NPAS3: variants seen among roughly 807,000 people sequenced by gnomAD.
NPAS3 encodes the protein neuronal PAS domain protein 3.
A neutral mutation model predicts 73.1 loss-of-function variants in NPAS3; 14 were observed. The observed-to-expected ratio is 0.19, with a 90% CI of 0.13 to 0.30. The LOEUF (loss-of-function observed/expected upper bound fraction) is 0.30. Ranked by LOEUF, NPAS3 falls within the 10% of genes least tolerant of loss-of-function variation. The pLI is 1.00. For missense variants in NPAS3, 1,096 were observed against 1,250.0 expected (o/e 0.88, Z 1.86); for synonymous variants, 620 against 541.5 (o/e 1.14, Z -2.01).
At chr14:33,706,017 T>C (rs746742083) in intron 6 of NPAS3, among the ~76,000 whole-genome samples, 1 of 152,230 alleles carries the variant, frequency 6.6e-6, no homozygotes, top group Non-Finnish European at 1.5e-5. Context: ...CCTCCACCCC[T>C]GTACACATGT....
At chr14:33,209,603 G>T (rs2046956536) in intron 2 of NPAS3, among the ~76,000 whole-genome samples, 1 of 152,134 alleles carries the variant, frequency 6.6e-6, no homozygotes, top group African/African-American at 2.4e-5. Context: ...TTTTAATACA[G>T]GTCGACCTTC....
chr14:33,634,414 A>G (rs1346291748), intron 5 of NPAS3, among the ~76,000 whole-genome samples: 2 of 152,212 alleles, frequency 1.3e-5, no homozygotes, highest in Admixed American at 1.3e-4. Flanking sequence ...TCCAAGTGAC[A>G]TTTAAGGAAG....
rs1226436347 is a variant in NPAS3 at position 33,800,749 on chromosome 14, C to T, written c.2442C>T (p.Ala814=). The T allele has an allele frequency of 4.5e-6, 7 of 1,562,760 alleles. No individual in the cohort carries two copies. Among genetic ancestry groups the T allele is most frequent in the Non-Finnish European group, 6.1e-6 (7 of 1,155,868 alleles). The stretch of plus-strand genomic sequence containing the variant: ...TGCACAGGGTGACCGGGACCCTGGC[C>T]GCCACCAGCACGGCCGCGCAGAGGG... Residue 814 remains alanine, a synonymous_variant, in exon 12 of 12, where the codon GCC becomes GCT. Transcript: ENST00000356141. This position sits in a 1 kb window ranked among gnomAD's most constrained non-coding sequence, Gnocchi z 6.5.
intron 4 of NPAS3, among the ~76,000 whole-genome samples, chr14:33,455,864 G>A (rs1421551305): frequency 6.6e-6 from 1 of 152,150 alleles, no homozygotes; most frequent in Non-Finnish European, 1.5e-5. Flanking sequence ...AGAAATGGCT[G>A]TTTCCTGCAA....
At chr14:33,380,077 G>A (rs574905622) in intron 4 of NPAS3, among the ~76,000 whole-genome samples, 18 of 150,242 alleles carry the variant, frequency 1.2e-4, no homozygotes, top group African/African-American at 4.2e-4. Context: ...AAAAAATACA[G>A]ATAAGCAAAG....
intron 3 of NPAS3, among the ~76,000 whole-genome samples, chr14:33,241,395 C>T (rs1174457112): frequency 6.6e-6 from 1 of 151,968 alleles, no homozygotes; most frequent in Non-Finnish European, 1.5e-5. Flanking sequence ...ATGTAGCTGT[C>T]TTAGAAGAGA....
chr14:33,240,622 G>A (rs1356376157), intron 3 of NPAS3, among the ~76,000 whole-genome samples: 1 of 151,708 alleles, frequency 6.6e-6, no homozygotes, highest in Non-Finnish European at 1.5e-5. Context: ...AGAAGCCAAA[G>A]GAACATTTGT....
intron 4 of NPAS3, among the ~76,000 whole-genome samples, chr14:33,476,726 A>G (rs952815345): frequency 2.6e-5 from 4 of 152,086 alleles, no homozygotes; most frequent in Non-Finnish European, 5.9e-5. Flanking sequence ...CATCATGGCA[A>G]TTTTCATGGC....
At chr14:33,391,144 A>C (rs550014988) in intron 4 of NPAS3, among the ~76,000 whole-genome samples, 1 of 152,054 alleles carries the variant, frequency 6.6e-6, no homozygotes, top group African/African-American at 2.4e-5. Context: ...TTAAGAGACA[A>C]TAATAGACAT....
At chr14:33,597,310 G>C (rs2057272806) in intron 5 of NPAS3, among the ~76,000 whole-genome samples, 1 of 152,192 alleles carries the variant, frequency 6.6e-6, no homozygotes. Context: ...TTTGACTCCT[G>C]TAAGCCAGTA....
chr14:33,159,793 T>G (rs1292262860), intron 2 of NPAS3, among the ~76,000 whole-genome samples: 1 of 152,138 alleles, frequency 6.6e-6, no homozygotes, highest in Non-Finnish European at 1.5e-5. Flanking sequence ...GACCTCGTGA[T>G]CCACCTGCCT....
At chr14:33,553,086 T>C (rs2055194744) in intron 4 of NPAS3, among the ~76,000 whole-genome samples, 2 of 152,326 alleles carry the variant, frequency 1.3e-5, no homozygotes, top group South Asian at 4.1e-4. Flanking sequence ...GAGTTGCCCC[T>C]GTGGATCAGA....
At chr14:33,170,588 C>T (rs998168420) in intron 2 of NPAS3, among the ~76,000 whole-genome samples, 1 of 152,244 alleles carries the variant, frequency 6.6e-6, no homozygotes, top group African/African-American at 2.4e-5. Flanking sequence ...AGGCAATCCT[C>T]TCAAATCCTG....
At chr14:33,307,800 C>T (rs1032402801) in intron 3 of NPAS3, among the ~76,000 whole-genome samples, 5 of 152,088 alleles carry the variant, frequency 3.3e-5, no homozygotes, top group African/African-American at 4.8e-5. Context: ...CTGAAGCATG[C>T]TGTTGTAGTT....
Position 33,800,645 on chromosome 14 carries a change from G to C in NPAS3, c.2338G>C (p.Ala780Pro). 1 of 1,446,410 alleles carries C rather than the reference G, an allele frequency of 6.9e-7. No homozygotes were observed. The highest frequency in any genetic ancestry group is 3.0e-5 in the East Asian group (1 of 33,538). The allele number at this position is 1,446,410 out of a possible 1,614,324, so 89.6% of individuals were successfully genotyped here. A position where few individuals can be genotyped will look rare whatever the true frequency, so the allele number is the denominator to read the frequency against. ...CGGCGCGGGGGGCGGCGGCCCCAGC[G>C]CGTCCAACTCCTTGCTGTACACTGG... is the stretch of plus-strand genomic sequence containing the variant. Residue 780 changes from alanine (A) to proline (P), a missense_variant, in exon 12 of 12, where the codon GCG becomes CCG. Around this residue, in one of 5 missense-constraint regions of NPAS3, gnomAD observed 698 missense variants for 676.7 expected, o/e 1.03. Coordinates refer to ENST00000356141, the Ensembl canonical transcript of NPAS3. The surrounding 1 kb of genome is among the most constrained non-coding windows in gnomAD (Gnocchi z 6.5).
chr14:33,780,324 C>A (rs1197000032), intron 9 of NPAS3, among the ~76,000 whole-genome samples: 1 of 152,100 alleles, frequency 6.6e-6, no homozygotes, highest in Non-Finnish European at 1.5e-5. Context: ...TGAAAAGAAA[C>A]ATCAGGTTCT....
intron 4 of NPAS3, among the ~76,000 whole-genome samples, chr14:33,513,890 G>A (rs545354614): frequency 2.0e-5 from 3 of 152,182 alleles, no homozygotes; most frequent in Admixed American, 1.3e-4. Flanking sequence ...AGAAAGGTTT[G>A]AGAGGGGTGA....
At chr14:33,434,752 A>G (rs1041381250) in intron 4 of NPAS3, among the ~76,000 whole-genome samples, 1 of 152,250 alleles carries the variant, frequency 6.6e-6, no homozygotes, top group Non-Finnish European at 1.5e-5. Context: ...ACAAGTATCA[A>G]GAATATAGTA....
chr14:33,140,049 T>C (rs996061312), intron 2 of NPAS3, among the ~76,000 whole-genome samples: 1 of 152,164 alleles, frequency 6.6e-6, no homozygotes, highest in Non-Finnish European at 1.5e-5. Flanking sequence ...ATTATAGTAG[T>C]ACTCCCTTAT....
Sources: allele counts gnomAD v4.1 joint callset (sites outside exome capture counted in the v4.1 genomes callset), GRCh38; gene constraint gnomAD v4.1.1; regional missense constraint gnomAD v4.1.1; non-coding constraint Gnocchi (gnomAD v3.1); transcripts MANE v1.5; gene names NCBI Gene and HGNC (gene_info 2026-07-23, HGNC 2026-07-21).